Variants in MTF1 observed in about 807,000 individuals in gnomAD.
The protein encoded by MTF1 is MRE-binding transcription factor.
MTF1 carries 22 observed loss-of-function variants against 70.4 expected under a neutral mutation model. The observed-to-expected ratio is 0.31, with a 90% CI of 0.22 to 0.45. MTF1 has a LOEUF of 0.45. Ranked by LOEUF, MTF1 falls within the 20% of genes least tolerant of loss-of-function variation. MTF1 has a pLI of 1.00. For missense variants in MTF1, 649 were observed against 922.0 expected, an observed-to-expected ratio of 0.70 and a Z score of 3.83; for synonymous variants, 333 against 352.8, an observed-to-expected ratio of 0.94 and a Z score of 0.63.
At chr1:37,817,575 G>C in intron 9 of MTF1, 93 bp from the exon 10 acceptor site, 1 of 866,746 alleles carries the variant, frequency 1.2e-6, no homozygotes, top group Non-Finnish European at 1.9e-6. Flanking sequence ...GGTCATCCAA[G>C]AAGACAGAAA....
intron 1 of MTF1, chr1:37,858,589 G>A (rs1435352455): frequency 1.3e-5 from 2 of 152,180 alleles, no homozygotes; most frequent in Non-Finnish European, 2.9e-5. Flanking sequence ...ACAATATGGT[G>A]TCAACAAGAA....
At position 37,837,502 on chromosome 1, in the gene MTF1, T is replaced by A. The variant is rs188016798; in HGVS notation, c.779+1123A>T. Reference sequence around the variant, plus strand: ...CAAAATTCAAATACATTGTTTATTTTTTTTTTATTTTTATTTTTTTTGAGA... The same window carrying A: ...CAAAATTCAAATACATTGTTTATTTATTTTTTATTTTTATTTTTTTTGAGA... On this transcript the variant is annotated intron_variant, in intron 4 of 10. Transcript: ENST00000373036. Among the ~76,000 whole-genome samples the A allele has an allele frequency of 2.0e-3, 297 of 152,282 alleles. 2 individuals are homozygous for A. Among genetic ancestry groups the A allele is most frequent in the Middle Eastern group, 3.4e-3 (1 of 294 alleles).
intron 3 of MTF1, 63 bp from the exon 4 acceptor site, chr1:37,838,819 T>TTTTTTTTTTTTTTTTTTTTTTTTG (rs869148427): frequency 8.4e-7 from 1 of 1,185,034 alleles, no homozygotes; most frequent in African/African-American, 1.6e-5. Context: ...TTTTTTTTTT[T>TTTTTTTTTTTTTTTTTTTTTTTTG]CTGAGACAGA....
chr1:37,827,411 G>T (rs1641019531), intron 7 of MTF1, among the ~76,000 whole-genome samples: 1 of 151,608 alleles, frequency 6.6e-6, no homozygotes, highest in Non-Finnish European at 1.5e-5. Flanking sequence ...AGGCTGGAGT[G>T]CAGTGACATG....
chr1:37,847,992 T>C (rs1641359363), intron 2 of MTF1, among the ~76,000 whole-genome samples: 3 of 152,160 alleles, frequency 2.0e-5, no homozygotes, highest in Admixed American at 2.0e-4. Context: ...AACACAGTTA[T>C]AAATGGCGGT....
At chr1:37,844,336 G>A (rs756908194) in intron 2 of MTF1, among the ~76,000 whole-genome samples, 5 of 152,180 alleles carry the variant, frequency 3.3e-5, no homozygotes, top group African/African-American at 4.8e-5. Context: ...TTCCTTCTCC[G>A]CTTTTCTGAG....
rs747567099 is a variant in MTF1 at position 37,810,173 on chromosome 1, G to A, written c.*4963C>T. ...AGAACACAGCAGGAAAAGGGCAAGA[G>A]AAAGCCTCTGACTTGGCACACTACG... On this transcript the variant is annotated 3_prime_UTR_variant, in exon 11 of 11. Transcript: ENST00000373036. 2.0e-5 allele frequency: 3 copies of A among 152,418 alleles called. No individual in the cohort carries two copies. Among genetic ancestry groups the A allele is most frequent in the Non-Finnish European group, 4.4e-5 (3 of 68,034 alleles). 9.4% of individuals were successfully genotyped at this position (152,418 alleles called of 1,614,324 possible).
intron 2 of MTF1, chr1:37,841,240 C>A: frequency 6.5e-6 from 1 of 155,006 alleles, no homozygotes; most frequent in South Asian, 1.7e-4. Context: ...AGGAGGTTGC[C>A]AATGTCATCC....
intron 2 of MTF1, among the ~76,000 whole-genome samples, chr1:37,856,172 T>A (rs1641490566): frequency 6.9e-5 from 1 of 14,572 alleles, no homozygotes; most frequent in Admixed American, 1.2e-3. Context: ...TGAATTTCCT[T>A]TTTTTTTTTT....
At chr1:37,829,212 C>T (rs772961129) in intron 7 of MTF1, among the ~76,000 whole-genome samples, 1 of 151,618 alleles carries the variant, frequency 6.6e-6, no homozygotes, top group Non-Finnish European at 1.5e-5. Context: ...TCAAACAATC[C>T]TTTTGCCTCA....
rs1641140411 is a variant in MTF1, at chr1:37,834,821, G to C, written c.990+258C>G. The C allele has an allele frequency of 1.9e-5, 11 of 584,702 alleles. No individual in the cohort carries two copies. The South Asian group carries it at 1.9e-4, about 10-fold the overall frequency. The allele number at this position is 584,702 out of a possible 1,614,324, so 36.2% of individuals were successfully genotyped here. On this transcript the variant is annotated intron_variant, in intron 6 of 10. Transcript: ENST00000373036. ...TTTGGCCTTTGCCACTAGAAAACCA[G>C]AGCCGCCATTTACCAAGACGAGGAA...
intron 2 of MTF1, among the ~76,000 whole-genome samples, chr1:37,845,851 A>G (rs1244000142): frequency 6.6e-6 from 1 of 152,230 alleles, no homozygotes; most frequent in Non-Finnish European, 1.5e-5. Flanking sequence ...TGACTGTCAA[A>G]GCAAATGCGT....
At chr1:37,845,440 G>A (rs1489307413) in intron 2 of MTF1, among the ~76,000 whole-genome samples, 3 of 152,130 alleles carry the variant, frequency 2.0e-5, no homozygotes, top group Non-Finnish European at 2.9e-5. Context: ...GAGAGGGGAG[G>A]GGGCGGATAG....
chr1:37,843,645 C>T (rs1199959593), intron 2 of MTF1, among the ~76,000 whole-genome samples: 1 of 152,168 alleles, frequency 6.6e-6, no homozygotes, highest in African/African-American at 2.4e-5. Flanking sequence ...GTTTCAAAAA[C>T]GTTACTTATG....
At chr1:37,834,972 G>T (rs757107338) in intron 6 of MTF1, 107 bp downstream of exon 6, 4 of 1,219,016 alleles carry the variant, frequency 3.3e-6, no homozygotes, top group Non-Finnish European at 4.7e-6. Flanking sequence ...ACTTCTTCCC[G>T]CTCACTAACA....
chr1:37,831,423 T>C lies in MTF1; in HGVS notation c.1068+822A>G, dbSNP rs28580415. 2.2e-4 allele frequency among the ~76,000 whole-genome samples: 34 copies of C among 152,288 alleles called. No individual in the cohort carries two copies. In the East Asian group the frequency reaches 5.6e-3, roughly 25 times the overall value. On this transcript the variant is annotated intron_variant, in intron 7 of 10. Coordinates refer to ENST00000373036, the MANE Select transcript of MTF1 (RefSeq NM_005955.3). ...AATCATTCAGTCTCTGTTCAAATAC[T>C]TCCCATCATATTTATTCATTATGCA...
At chr1:37,837,737 C>G (rs1641191650) in intron 4 of MTF1, among the ~76,000 whole-genome samples, 2 of 152,134 alleles carry the variant, frequency 1.3e-5, no homozygotes, top group African/African-American at 4.8e-5. Context: ...AACTCCTAAC[C>G]TCACATGATC....
chr1:37,829,287 T>C (rs1226733538), intron 7 of MTF1, among the ~76,000 whole-genome samples: 1 of 151,536 alleles, frequency 6.6e-6, no homozygotes, highest in Non-Finnish European at 1.5e-5. Flanking sequence ...AGGTCTCTAT[T>C]AAAAAAAATA....
At position 37,847,718 on chromosome 1, in the gene MTF1, G is replaced by A. The variant is rs754500152; in HGVS notation, c.409-7560C>T. ...AAAACACTGTTGTATGGGCCAGTGA[G>A]GTGGCTCATGCCTGTAAGTGCTCAC... On this transcript the variant is annotated intron_variant, in intron 2 of 10. Coordinates refer to ENST00000373036, the MANE Select transcript of MTF1 (RefSeq NM_005955.3). Among the ~76,000 whole-genome samples, 31 of 152,210 alleles carry A rather than the reference G, an allele frequency of 2.0e-4. 1 individual carries two copies. Among genetic ancestry groups the A allele is most frequent in the Non-Finnish European group, 4.3e-4 (29 of 68,036 alleles).
Sources: allele counts gnomAD v4.1 joint callset (sites outside exome capture counted in the v4.1 genomes callset), GRCh38; gene constraint gnomAD v4.1.1; transcripts MANE v1.5; gene names NCBI Gene and HGNC (gene_info 2026-07-23, HGNC 2026-07-21).